The following ZNF431 variants were observed in gnomAD, a reference collection of about 807,000 sequenced individuals.
ZNF431 encodes zinc finger protein 431.
A neutral mutation model predicts 57.0 loss-of-function variants in ZNF431; 34 were observed. The ratio of observed to expected loss-of-function variants is 0.60; its 90% CI spans 0.45 to 0.79. The LOEUF is 0.79. Ranked by LOEUF, ZNF431 falls within the 30% of genes least tolerant of loss-of-function variation. The pLI is 0.00. For missense variants in ZNF431, 607 were observed against 667.1 expected, an observed-to-expected ratio of 0.91 and a Z score of 0.99; for synonymous variants, 207 against 220.3, an observed-to-expected ratio of 0.94 and a Z score of 0.54.
At position 21,189,926 on chromosome 19, in the gene ZNF431, T is replaced by G. The variant is rs528881378; in HGVS notation, c.*5892T>G. 2.5e-6 allele frequency: 1 copy of G among 397,788 alleles called. No individual in the cohort carries two copies. Among genetic ancestry groups the G allele is most frequent in the Non-Finnish European group, 4.4e-6 (1 of 226,012 alleles). 24.6% of individuals were successfully genotyped at this position (397,788 alleles called of 1,614,324 possible). ...TGGGAGGCCAAGGCCAGTGGATTGCTTGAGCCCAGGAGTTTGAGACCAGCC... is the reference window on the plus strand; with the variant it reads ...TGGGAGGCCAAGGCCAGTGGATTGCGTGAGCCCAGGAGTTTGAGACCAGCC... On this transcript the variant is annotated 3_prime_UTR_variant, in exon 5 of 5. Transcript: ENST00000311048.
intron 4 of ZNF431, among the ~76,000 whole-genome samples, chr19:21,171,706 A>ATG (rs1970894820): frequency 7.0e-5 from 1 of 14,330 alleles, no homozygotes; most frequent in Non-Finnish European, 2.1e-4. Flanking sequence ...GAATATATAT[A>ATG]TATATATTTT....
At chr19:21,142,516 G>A (rs571324838) in intron 1 of ZNF431, among the ~76,000 whole-genome samples, 1 of 152,326 alleles carries the variant, frequency 6.6e-6, no homozygotes, top group South Asian at 2.1e-4. Context: ...CTGACTCGGG[G>A]TGCGGGTTCA....
rs547994782 is a variant in ZNF431 at position 21,172,687 on chromosome 19, G to A, written c.319+5021G>A. 1.8e-4 allele frequency among the ~76,000 whole-genome samples: 28 copies of A among 152,190 alleles called. No homozygotes were observed. The South Asian group carries it at 5.6e-3, about 30-fold the overall frequency. ...ATAGTGTTATGCACCTGTGGACCCC[G>A]CTATATGGGAGATTTAGGGAGGATT... On this transcript the variant is annotated intron_variant, in intron 4 of 4. Transcript: ENST00000311048.
In ZNF431 at chr19:21,183,218, A is replaced by G. The variant is rs1456043521; in HGVS notation, c.915A>G (p.Thr305=). ...KAFNRSSHLT[T]HKIIHTGEKP... ...TCAACCGGTCCTCACACCTTACTAC[A>G]CATAAGATAATTCATACTGGAGAGA... The change falls in exon 5 of 5, where the codon ACA becomes ACG. Residue 305 remains threonine, a synonymous_variant. Coordinates refer to ENST00000311048, the MANE Select transcript of ZNF431 (RefSeq NM_133473.4). 1 of 1,614,096 alleles carries G rather than the reference A, an allele frequency of 6.2e-7. No individual in the cohort carries two copies. The highest frequency in any genetic ancestry group is 1.1e-5 in the South Asian group (1 of 91,082).
intron 4 of ZNF431, among the ~76,000 whole-genome samples, chr19:21,169,498 A>T (rs1970820494): frequency 6.6e-6 from 1 of 152,114 alleles, no homozygotes; most frequent in Non-Finnish European, 1.5e-5. Context: ...TTGTGTCCCT[A>T]GGGTGATGGA....
At chr19:21,144,683 G>A (rs186966389) in intron 2 of ZNF431, among the ~76,000 whole-genome samples, 83 of 152,042 alleles carry the variant, frequency 5.5e-4, no homozygotes, top group African/African-American at 1.9e-3. Flanking sequence ...GAATTCCAAG[G>A]CTTAGCTTTT....
chr19:21,184,181 C>T lies in ZNF431; in HGVS notation c.*147C>T, dbSNP rs1268864816. On this transcript the variant is annotated 3_prime_UTR_variant, in exon 5 of 5. Coordinates refer to ENST00000311048, the MANE Select transcript of ZNF431 (RefSeq NM_133473.4). ...CCTGGCCAACATGGTGAAACCCTGT[C>T]TCTACTAAAAATACAAAAATTATCT... 1.5e-6 allele frequency: 1 copy of T among 665,816 alleles called. No individual in the cohort carries two copies. The highest frequency in any genetic ancestry group is 2.4e-6 in the Non-Finnish European group (1 of 408,908). 41.2% of individuals were successfully genotyped at this position (665,816 alleles called of 1,614,324 possible).
intron 2 of ZNF431, among the ~76,000 whole-genome samples, chr19:21,147,649 C>T (rs1202167401): frequency 2.0e-5 from 3 of 150,410 alleles, no homozygotes; most frequent in Non-Finnish European, 4.4e-5. Flanking sequence ...TTGGTTAGCT[C>T]TGTGTCATAT....
rs71339735 is a variant in ZNF431, at chr19:21,142,055, C to G, written c.-129C>G. On this transcript the variant is annotated 5_prime_UTR_variant, in exon 1 of 5. Transcript: ENST00000311048. ...CGGGGCCTTTGTCTCTCGCCGCAGC[C>G]TGAGCTCCAGGTCTCCCCTTCGCTG... 1,889 of 1,265,538 alleles carry G rather than the reference C, an allele frequency of 1.5e-3. 4 individuals are homozygous for G. Among genetic ancestry groups the G allele is most frequent in the South Asian group, 2.2e-3 (169 of 77,210 alleles). 78.4% of individuals were successfully genotyped at this position (1,265,538 alleles called of 1,614,324 possible).
chr19:21,146,234 AC>A (rs1273752871), intron 2 of ZNF431, among the ~76,000 whole-genome samples: 3 of 151,912 alleles, frequency 2.0e-5, no homozygotes, highest in Non-Finnish European at 2.9e-5. Flanking sequence ...ACATGGTGAA[AC>A]CCCGTCTCTA....
intron 2 of ZNF431, among the ~76,000 whole-genome samples, chr19:21,148,617 AT>A (rs1970176008): frequency 6.6e-6 from 1 of 152,184 alleles, no homozygotes; most frequent in African/African-American, 2.4e-5. Flanking sequence ...AAAAATCCAC[AT>A]TTCCATGTCT....
In ZNF431 at chr19:21,193,486, C is replaced by A. The variant is rs918163478; in HGVS notation, c.*9452C>A. 1.3e-5 allele frequency: 2 copies of A among 152,336 alleles called. No homozygotes were observed. Among genetic ancestry groups the A allele is most frequent in the Non-Finnish European group, 2.9e-5 (2 of 68,132 alleles). 9.4% of individuals were successfully genotyped at this position (152,336 alleles called of 1,614,324 possible). A position where few individuals can be genotyped will look rare whatever the true frequency, so the allele number is the denominator to read the frequency against. Reference sequence around the variant, plus strand: ...AGGTTGCAGTGAGCCGAGATCGCGCCATTGCACTCCAGCCTAGGCAATGAG... The same window carrying A: ...AGGTTGCAGTGAGCCGAGATCGCGCAATTGCACTCCAGCCTAGGCAATGAG... On this transcript the variant is annotated 3_prime_UTR_variant, in exon 5 of 5. Transcript: ENST00000311048.
At chr19:21,157,191 G>T (rs1167215466) in intron 2 of ZNF431, among the ~76,000 whole-genome samples, 2 of 152,202 alleles carry the variant, frequency 1.3e-5, no homozygotes, top group African/African-American at 4.8e-5. Context: ...AGACTAGAGT[G>T]CAGTGGTACC....
intron 2 of ZNF431, among the ~76,000 whole-genome samples, chr19:21,152,777 C>A (rs1041437071): frequency 1.3e-5 from 2 of 152,088 alleles, no homozygotes; most frequent in African/African-American, 4.8e-5. Flanking sequence ...CCAAAGTCAG[C>A]CGATTGGTGC....
chr19:21,149,671 CT>C, intron 2 of ZNF431: 1 of 552,604 alleles, frequency 1.8e-6, no homozygotes, highest in Admixed American at 2.1e-5. Flanking sequence ...GTGGCAAGTT[CT>C]TTAGTCTTTG....
chr19:21,150,168 T>A, intron 2 of ZNF431: 1 of 594,968 alleles, frequency 1.7e-6, no homozygotes, highest in South Asian at 1.6e-5. Flanking sequence ...AGCAGCTGAG[T>A]AGCTGTTTGG....
In ZNF431 at chr19:21,148,236, C is replaced by A. The variant is rs968505626; in HGVS notation, c.96+4593C>A. On this transcript the variant is annotated intron_variant, in intron 2 of 4. Coordinates refer to ENST00000311048, the MANE Select transcript of ZNF431 (RefSeq NM_133473.4). Reference sequence around the variant, plus strand: ...GGTCTCGAACTCCTGACCTTGTGATCGGCCCGCCTTGGCCTCCCAAAGTGC... The same window carrying A: ...GGTCTCGAACTCCTGACCTTGTGATAGGCCCGCCTTGGCCTCCCAAAGTGC... Among the ~76,000 whole-genome samples, 55 of 152,034 alleles carry A rather than the reference C, an allele frequency of 3.6e-4. 1 individual carries two copies. Among genetic ancestry groups the A allele is most frequent in the Admixed American group, 3.6e-3 (55 of 15,264 alleles).
intron 2 of ZNF431, 94 bp downstream of exon 2, chr19:21,143,737 A>T: frequency 1.2e-6 from 1 of 834,432 alleles, no homozygotes. Context: ...GCTGGCACTG[A>T]TGGGAAAACA....
chr19:21,175,930 G>C (rs1226498446), intron 4 of ZNF431, among the ~76,000 whole-genome samples: 2 of 152,048 alleles, frequency 1.3e-5, no homozygotes, highest in African/African-American at 4.8e-5. Flanking sequence ...TATTCCTTTG[G>C]GTATATACCC....
Sources: allele counts gnomAD v4.1 joint callset (sites outside exome capture counted in the v4.1 genomes callset), GRCh38; gene constraint gnomAD v4.1.1; transcripts MANE v1.5; gene names NCBI Gene and HGNC (gene_info 2026-07-23, HGNC 2026-07-21).